SEMA3A: variants seen among roughly 807,000 people sequenced by gnomAD.
The protein encoded by SEMA3A is semaphorin 3A, also known as semaphorin-3A.
SEMA3A carries 29 observed loss-of-function variants against 97.9 expected under a neutral mutation model. The observed-to-expected ratio is 0.30, with a 90% CI of 0.22 to 0.40. SEMA3A has a LOEUF of 0.40. Among genes scored for constraint, SEMA3A ranks in the 10% least tolerant of loss-of-function variants. SEMA3A has a pLI of 1.00. For synonymous variants in SEMA3A, 321 were observed against 323.7 expected (o/e 0.99, Z 0.09); for missense variants, 763 against 951.3 (o/e 0.80, Z 2.60).
At chr7:84,313,598 A>T (rs530485296) in intron 2 of SEMA3A, among the ~76,000 whole-genome samples, 28 of 151,120 alleles carry the variant, frequency 1.9e-4, no homozygotes, top group African/African-American at 6.8e-4. Context: ...TATACACTTG[A>T]CTCTAATTAC....
At chr7:84,260,727 AG>A (rs1212584263) in intron 3 of SEMA3A, among the ~76,000 whole-genome samples, 2 of 152,132 alleles carry the variant, frequency 1.3e-5, no homozygotes, top group East Asian at 3.9e-4. Flanking sequence ...AAGGAGGCCA[AG>A]GGGGGGACTG....
chr7:84,062,287 G>T (rs184486266), intron 4 of SEMA3A, among the ~76,000 whole-genome samples: 1 of 151,956 alleles, frequency 6.6e-6, no homozygotes, highest in Non-Finnish European at 1.5e-5. Context: ...TCACAAATAC[G>T]AATTTATCAT....
intron 3 of SEMA3A, among the ~76,000 whole-genome samples, chr7:84,204,928 TGAGA>T (rs1798450998): frequency 6.6e-6 from 1 of 152,196 alleles, no homozygotes; most frequent in African/African-American, 2.4e-5. Flanking sequence ...GATGTGCATT[TGAGA>T]TCCTCCATCT....
At chr7:84,385,887 G>C (rs2116157011) in intron 1 of SEMA3A, among the ~76,000 whole-genome samples, 1 of 152,176 alleles carries the variant, frequency 6.6e-6, no homozygotes, top group Middle Eastern at 3.4e-3. Flanking sequence ...AATTCTACTT[G>C]CAAACTAGCC....
chr7:84,478,965 C>T (rs2116428334), intron 1 of SEMA3A, among the ~76,000 whole-genome samples: 1 of 152,234 alleles, frequency 6.6e-6, no homozygotes, highest in African/African-American at 2.4e-5. Flanking sequence ...ATCCTCTAGT[C>T]CTTCTCTTGT....
intron 3 of SEMA3A, among the ~76,000 whole-genome samples, chr7:84,214,946 C>G (rs552739138): frequency 2.0e-5 from 3 of 150,606 alleles, no homozygotes; most frequent in African/African-American, 4.9e-5. Context: ...GATGATCCGC[C>G]CCCCCTTGGC....
At chr7:84,206,836 G>T (rs1798505935) in intron 3 of SEMA3A, among the ~76,000 whole-genome samples, 1 of 105,230 alleles carries the variant, frequency 9.5e-6, no homozygotes, top group Admixed American at 8.8e-5. Flanking sequence ...ACAGGATATG[G>T]TAAAAAAAAA....
intron 1 of SEMA3A, among the ~76,000 whole-genome samples, chr7:84,392,168 G>C (rs928747177): frequency 6.6e-6 from 1 of 151,918 alleles, no homozygotes; most frequent in Non-Finnish European, 1.5e-5. Flanking sequence ...AGAGGTATTC[G>C]TCATGCTGTG....
At chr7:84,054,251 C>T (rs1487179679) in intron 5 of SEMA3A, among the ~76,000 whole-genome samples, 5 of 152,240 alleles carry the variant, frequency 3.3e-5, no homozygotes, top group East Asian at 3.9e-4. Context: ...TGAATCTGAA[C>T]GTTGGCTTGC....
At chr7:84,109,795 T>A (rs1237969945) in intron 4 of SEMA3A, among the ~76,000 whole-genome samples, 1 of 152,194 alleles carries the variant, frequency 6.6e-6, no homozygotes, top group African/African-American at 2.4e-5. Flanking sequence ...ACAAGAGGGT[T>A]TATAATTGAA....
intron 10 of SEMA3A, among the ~76,000 whole-genome samples, 161 bp downstream of exon 10, chr7:84,007,192 T>A (rs976770858): frequency 6.6e-6 from 1 of 152,218 alleles, no homozygotes; most frequent in Admixed American, 6.5e-5. Flanking sequence ...AATGTGAAAT[T>A]TCATTCAATC....
chr7:84,415,938 C>T (rs1158046224), intron 1 of SEMA3A, among the ~76,000 whole-genome samples: 2 of 151,870 alleles, frequency 1.3e-5, no homozygotes, highest in East Asian at 3.9e-4. Flanking sequence ...GGATACGGCA[C>T]CAAAATTATC....
rs557580680 is a variant in SEMA3A at position 84,121,258 on chromosome 7, C to T, written c.333+7865G>A. On this transcript the variant is annotated intron_variant, in intron 3 of 16. Transcript: ENST00000265362. ...TAAGTTCGAGGGTATATGTGCACAA[C>T]GTGCAGGTTTGTTACATATGTATAC... Among the ~76,000 whole-genome samples the T allele has an allele frequency of 5.3e-5, 8 of 152,146 alleles. No homozygotes were observed. In the East Asian group the frequency reaches 1.2e-3, roughly 22 times the overall value.
intron 1 of SEMA3A, among the ~76,000 whole-genome samples, chr7:84,170,457 T>C (rs1483962516): frequency 6.6e-6 from 1 of 151,996 alleles, no homozygotes; most frequent in Non-Finnish European, 1.5e-5. Flanking sequence ...AATACTTTAT[T>C]TGGTTTATTT....
chr7:83,991,128 G>C (rs1789906866), intron 12 of SEMA3A, among the ~76,000 whole-genome samples: 1 of 150,064 alleles, frequency 6.7e-6, no homozygotes, highest in Admixed American at 6.7e-5. Flanking sequence ...TTTGTCTGTT[G>C]TTGGTGTATA....
intron 2 of SEMA3A, among the ~76,000 whole-genome samples, chr7:84,332,298 A>G (rs1801926969): frequency 6.6e-6 from 1 of 152,184 alleles, no homozygotes; most frequent in Non-Finnish European, 1.5e-5. Context: ...TAATATTAAA[A>G]TGTTATTAAT....
Position 84,055,891 on chromosome 7 carries a change from T to C in SEMA3A, c.547+4574A>G, listed in dbSNP as rs186855930. On this transcript the variant is annotated intron_variant, in intron 5 of 16. Transcript: ENST00000265362. ...TACATACTTTAGAGCTGTTCACATA[T>C]ACTAAGCCAATTGTGAAAGAAATAA... Among the ~76,000 whole-genome samples the C allele has an allele frequency of 3.3e-5, 5 of 152,360 alleles. No individual in the cohort carries two copies. In the East Asian group the frequency reaches 9.6e-4, roughly 29 times the overall value.
chr7:84,208,657 T>C (rs1392974983), intron 3 of SEMA3A, among the ~76,000 whole-genome samples: 2 of 152,196 alleles, frequency 1.3e-5, no homozygotes, highest in East Asian at 1.9e-4. Context: ...TTTCCAGTAA[T>C]GTGTCATAAA....
intron 1 of SEMA3A, among the ~76,000 whole-genome samples, chr7:84,189,977 A>C (rs1797990946): frequency 6.6e-6 from 1 of 151,746 alleles, no homozygotes; most frequent in African/African-American, 2.4e-5. Flanking sequence ...TCTAGAAATC[A>C]GTCACATGAA....
Sources: gnomAD v4.1 joint callset for allele counts (sites outside exome capture counted in the v4.1 genomes callset) on GRCh38, gnomAD v4.1.1 for gene constraint, MANE v1.5 for transcripts, NCBI Gene and HGNC (gene_info 2026-07-23, HGNC 2026-07-21) for gene names.